Variants in SUMF1 observed in about 807,000 individuals in gnomAD.
SUMF1 encodes formylglycine-generating enzyme.
In SUMF1, 48 loss-of-function variants were observed where a neutral mutation model predicts 47.6. The ratio of observed to expected loss-of-function variants is 1.01; its 90% CI spans 0.80 to 1.28. The LOEUF is 1.28. SUMF1 is among the 50% of genes most tolerant of loss of function. The probability of loss-of-function intolerance (pLI) is 0.00; values close to 1 mark genes in which losing one functional copy is unlikely to be tolerated. For synonymous variants in SUMF1, 230 were observed against 192.1 expected (o/e 1.20, Z -1.63); for missense variants, 571 against 485.4 (o/e 1.18, Z -1.66).
chr3:4,408,084 T>A (rs770321181), intron 7 of SUMF1, among the ~76,000 whole-genome samples: 1 of 152,192 alleles, frequency 6.6e-6, no homozygotes, highest in East Asian at 1.9e-4. Context: ...CCTCCACAAT[T>A]TTTCACATAA....
At chr3:4,353,646 G>C (rs936162616) in intron 8 of SUMF1, among the ~76,000 whole-genome samples, 9 of 152,072 alleles carry the variant, frequency 5.9e-5, no homozygotes, top group Non-Finnish European at 1.2e-4. Flanking sequence ...TATACTCTTA[G>C]ATAATTTAAA....
At chr3:4,053,477 G>T (rs1235233236) in intron 9 of SUMF1, among the ~76,000 whole-genome samples, 1 of 152,132 alleles carries the variant, frequency 6.6e-6, no homozygotes, top group Admixed American at 6.6e-5. Flanking sequence ...ACGCAAGGTT[G>T]CCACAAACCT....
chr3:4,076,271 G>T (rs1692430351), intron 8 of SUMF1, among the ~76,000 whole-genome samples: 2 of 152,070 alleles, frequency 1.3e-5, no homozygotes, highest in African/African-American at 4.8e-5. Context: ...TGGTGCTGGT[G>T]GGAAAACTGG....
At chr3:4,132,066 C>T (rs188013273) in intron 8 of SUMF1, among the ~76,000 whole-genome samples, 155 of 152,250 alleles carry the variant, frequency 1.0e-3, no homozygotes, top group African/African-American at 3.7e-3. Context: ...TACCTGGTGG[C>T]AGGTTGGTTA....
chr3:4,189,684 AG>A (rs1695274590), intron 8 of SUMF1, among the ~76,000 whole-genome samples: 1 of 141,342 alleles, frequency 7.1e-6, no homozygotes, highest in South Asian at 2.3e-4. Context: ...TAAAGCCTCA[AG>A]ATTTTGAAGA....
chr3:4,410,920 T>C lies in SUMF1; in HGVS notation c.899A>G (p.Glu300Gly), dbSNP rs748340815. 6.2e-7 allele frequency: 1 copy of C among 1,614,082 alleles called. No homozygotes were observed. Among genetic ancestry groups the C allele is most frequent in the Non-Finnish European group, 8.5e-7 (1 of 1,179,948 alleles). Residue 300 changes from glutamate (E) to glycine (G), a missense_variant, in exon 7 of 9, where the codon GAA (glutamate) becomes GGA (glycine). Physicochemically the swap from Glu to Gly is moderately conservative, Grantham distance 98. Coordinates refer to ENST00000272902, the MANE Select transcript of SUMF1 (RefSeq NM_182760.4). The stretch of plus-strand genomic sequence containing the variant: ...AACAGTCCACCAGTCTGAAGTCCAT[T>C]CCCATGCGTTCCCCACTATGTTGTA... ...GLYNIVGNAW[E>G]WTSDWWTVHH...
chr3:4,194,110 C>T (rs1346622779), intron 8 of SUMF1, among the ~76,000 whole-genome samples: 1 of 151,992 alleles, frequency 6.6e-6, no homozygotes, highest in Non-Finnish European at 1.5e-5. Context: ...CTGTGATGTC[C>T]AATCTGGAAG....
In SUMF1 at chr3:4,178,345, A is replaced by G. The variant is rs1048169317; in HGVS notation, c.1015-109600T>C. Among the ~76,000 whole-genome samples, 11 of 152,258 alleles carry G rather than the reference A, an allele frequency of 7.2e-5. 2 individuals carry two copies. Among genetic ancestry groups the G allele is most frequent in the Admixed American group, 6.5e-5 (1 of 15,286 alleles). On this transcript the variant is annotated intron_variant and NMD_transcript_variant, in intron 8 of 12. Coordinates refer to the SUMF1 transcript ENST00000448413. The stretch of plus-strand genomic sequence containing the variant: ...GCATATCAAAAAGCTTATCCACCAC[A>G]ATCAATTTGGCTTCATCCCTGGGAT...
At chr3:4,047,480 A>G (rs57674314) in intron 9 of SUMF1, among the ~76,000 whole-genome samples, 6,466 of 152,214 alleles carry the variant, frequency 0.042, 484 homozygotes, top group African/African-American at 0.15. Context: ...AGGAGGCTTT[A>G]GAGCTCAATA....
intron 7 of SUMF1, among the ~76,000 whole-genome samples, chr3:4,385,847 G>A (rs1295497664): frequency 3.3e-5 from 5 of 152,148 alleles, no homozygotes; most frequent in African/African-American, 1.2e-4. Flanking sequence ...TCTGCCCACG[G>A]ATGTCCAATT....
rs769902821 is a variant in SUMF1, at chr3:4,273,686, AGGGAGGGAGGATAC to A, written c.1014+102630_1014+102643del. On this transcript the variant is annotated intron_variant and NMD_transcript_variant, in intron 8 of 12. Coordinates refer to the SUMF1 transcript ENST00000448413. ...ATACTCAATAAAGCAGAAAGAAGGA[AGGGAGGGAGGATAC>A]GGGAGGGAGGATACGGGAGGGAGGA... Among the ~76,000 whole-genome samples, 234 of 98,520 alleles carry A rather than the reference AGGGAGGGAGGATAC, an allele frequency of 2.4e-3. 4 individuals carry two copies. Among genetic ancestry groups the A allele is most frequent in the African/African-American group, 4.7e-3 (107 of 22,966 alleles). 64.6% of individuals were successfully genotyped at this position (98,520 alleles called of 152,430 possible).
chr3:4,208,428 G>A (rs1695700625), intron 8 of SUMF1, among the ~76,000 whole-genome samples: 2 of 143,910 alleles, frequency 1.4e-5, no homozygotes, highest in Middle Eastern at 3.5e-3. Context: ...AGTATATCAT[G>A]TCAACCTTTC....
intron 8 of SUMF1, among the ~76,000 whole-genome samples, chr3:4,186,486 A>C (rs939977721): frequency 3.9e-5 from 6 of 152,088 alleles, no homozygotes; most frequent in African/African-American, 1.4e-4. Flanking sequence ...GGTAAGAAAT[A>C]ATTTAAGTAA....
chr3:4,331,428 G>A (rs959245627), intron 8 of SUMF1, among the ~76,000 whole-genome samples: 3 of 152,000 alleles, frequency 2.0e-5, no homozygotes, highest in Non-Finnish European at 4.4e-5. Context: ...CTTATTTTTA[G>A]TGAAAAACCT....
chr3:4,055,155 G>C (rs1348189779), intron 9 of SUMF1, among the ~76,000 whole-genome samples: 1 of 152,080 alleles, frequency 6.6e-6, no homozygotes, highest in Non-Finnish European at 1.5e-5. Flanking sequence ...ACAGTGAAAA[G>C]GCGTTAAGAA....
chr3:4,425,943 T>C (rs1169566550), intron 3 of SUMF1, among the ~76,000 whole-genome samples: 3 of 152,158 alleles, frequency 2.0e-5, no homozygotes, highest in South Asian at 2.1e-4. Context: ...ACCATCACCA[T>C]GTGATCTCAG....
chr3:4,242,424 G>T (rs945548796), intron 8 of SUMF1, among the ~76,000 whole-genome samples: 2 of 151,904 alleles, frequency 1.3e-5, no homozygotes, highest in Non-Finnish European at 2.9e-5. Context: ...GTCATAGATA[G>T]CTCTTATTTT....
chr3:4,432,264 C>T (rs1022483059), intron 3 of SUMF1, among the ~76,000 whole-genome samples: 2 of 151,360 alleles, frequency 1.3e-5, no homozygotes, highest in African/African-American at 4.9e-5. Flanking sequence ...CTTTTCTTTT[C>T]TCTCTATGCT....
intron 8 of SUMF1, among the ~76,000 whole-genome samples, chr3:4,308,409 AGTAAT>A (rs1359960355): frequency 1.3e-5 from 2 of 152,244 alleles, no homozygotes; most frequent in African/African-American, 4.8e-5. Context: ...TAAGATGTTT[AGTAAT>A]GTAAAGTAAT....
Sources: gnomAD v4.1 joint callset for allele counts (sites outside exome capture counted in the v4.1 genomes callset) on GRCh38, gnomAD v4.1.1 for gene constraint, MANE v1.5 for transcripts, NCBI Gene and HGNC (gene_info 2026-07-23, HGNC 2026-07-21) for gene names.